BCO1: variants seen among roughly 807,000 people sequenced by gnomAD.
BCO1 encodes beta,beta-carotene 15,15'-dioxygenase.
A neutral mutation model predicts 56.3 loss-of-function variants in BCO1; 54 were observed. The ratio of observed to expected loss-of-function variants is 0.96; its 90% CI spans 0.77 to 1.20. BCO1 has a LOEUF of 1.20. Ranked by LOEUF, BCO1 falls within the 50% of genes most tolerant of loss-of-function variation. The pLI is 0.00. For synonymous variants in BCO1, 318 were observed against 266.1 expected, an observed-to-expected ratio of 1.20 and a Z score of -1.90; for missense variants, 801 against 690.9, an observed-to-expected ratio of 1.16 and a Z score of -1.79.
At chr16:81,271,872 C>T (rs1907238113) in intron 7 of BCO1, among the ~76,000 whole-genome samples, 2 of 151,926 alleles carry the variant, frequency 1.3e-5, no homozygotes, top group South Asian at 4.2e-4. Flanking sequence ...GCCTCAGCCT[C>T]CTGAGTAGCT....
At chr16:81,288,368 T>C (rs1172414060) in intron 10 of BCO1, among the ~76,000 whole-genome samples, 2 of 152,156 alleles carry the variant, frequency 1.3e-5, no homozygotes, top group African/African-American at 4.8e-5. Context: ...GCTCAAGTGA[T>C]CCTCCTGCCT....
At chr16:81,251,121 C>G (rs1478233207) in intron 2 of BCO1, among the ~76,000 whole-genome samples, 1 of 152,054 alleles carries the variant, frequency 6.6e-6, no homozygotes, top group Non-Finnish European at 1.5e-5. Flanking sequence ...TTTAAAGCAC[C>G]CAGGTGATTC....
chr16:81,253,090 C>G (rs186552333), intron 2 of BCO1, among the ~76,000 whole-genome samples: 1 of 152,038 alleles, frequency 6.6e-6, no homozygotes, highest in Non-Finnish European at 1.5e-5. Flanking sequence ...GCCTGGGTGA[C>G]GGAGCAAGAT....
At chr16:81,254,949 G>A (rs567763910) in intron 2 of BCO1, among the ~76,000 whole-genome samples, 1 of 152,110 alleles carries the variant, frequency 6.6e-6, no homozygotes, top group Non-Finnish European at 1.5e-5. Flanking sequence ...ATACCCATCT[G>A]ATTTTTGTAT....
At chr16:81,286,858 C>T (rs1041950797) in intron 9 of BCO1, among the ~76,000 whole-genome samples, 4 of 151,908 alleles carry the variant, frequency 2.6e-5, no homozygotes, top group African/African-American at 9.7e-5. Context: ...GGGCGGATCA[C>T]CTGAGGTCAG....
intron 10 of BCO1, among the ~76,000 whole-genome samples, chr16:81,290,130 C>T (rs540662149): frequency 1.3e-5 from 2 of 152,262 alleles, no homozygotes; most frequent in East Asian, 1.9e-4. Context: ...CCCAAAGTGG[C>T]GGGATTACAG....
In BCO1 at chr16:81,290,560, G is replaced by T; in HGVS notation, c.1627G>T (p.Gly543Trp). 1.6e-5 allele frequency: 26 copies of T among 1,613,542 alleles called. No homozygotes were observed. Among genetic ancestry groups the T allele is most frequent in the Non-Finnish European group, 2.2e-5 (26 of 1,179,996 alleles). ...GCGGGACAGGGCTTCCGACTGCCAC[G>T]GGGCTCCTCTGACCTGATGGTGTTG... ...EQRDRASDCH[G>W]APLT Residue 543 changes from glycine to tryptophan, a missense_variant, in exon 11 of 11, where the codon GGG (glycine) becomes TGG (tryptophan). Coordinates refer to ENST00000258168, the MANE Select transcript of BCO1 (RefSeq NM_017429.3).
chr16:81,267,760 G>T (rs1442865471), intron 5 of BCO1, 148 bp from the exon 6 acceptor site: 12 of 715,990 alleles, frequency 1.7e-5, no homozygotes, highest in Non-Finnish European at 2.5e-6. Flanking sequence ...TGCAGCAGCT[G>T]CAGCAACCTT....
At position 81,259,577 on chromosome 16, in the gene BCO1, C is replaced by A. The variant is rs1417145931; in HGVS notation, c.194-99C>A. The A allele has an allele frequency of 2.7e-6, 4 of 1,484,900 alleles. No individual in the cohort carries two copies. In the African/African-American group the frequency reaches 4.1e-5, roughly 15 times the overall value. The allele number at this position is 1,484,900 out of a possible 1,614,324, so 92.0% of individuals were successfully genotyped here. On this transcript the variant is annotated intron_variant, in intron 2 of 10. Transcript: ENST00000258168. Reference sequence around the variant, plus strand: ...AAAGGAGCTTGTCCTAGTGAAATAACCACCTTCTTCTCCCAGTAAAACCCA... The same window carrying A: ...AAAGGAGCTTGTCCTAGTGAAATAAACACCTTCTTCTCCCAGTAAAACCCA...
At chr16:81,260,660 C>A (rs1421891258) in intron 3 of BCO1, among the ~76,000 whole-genome samples, 1 of 152,172 alleles carries the variant, frequency 6.6e-6, no homozygotes, top group African/African-American at 2.4e-5. Flanking sequence ...AGGCACCCAC[C>A]ACCACGCCCG....
intron 2 of BCO1, 142 bp from the exon 3 acceptor site, chr16:81,259,534 G>T (rs1906351567): frequency 2.6e-6 from 2 of 759,938 alleles, no homozygotes; most frequent in Non-Finnish European, 4.3e-6. Context: ...AATGCGAATT[G>T]TATCGGCCCT....
In BCO1 at chr16:81,268,404, A is replaced by G. The variant is rs12446334; in HGVS notation, c.843+273A>G. ...AAACATGGAAGCCCTGGCAGTCCCC[A>G]TATGCCCAGCAGCAAAAGGAGTGAG... On this transcript the variant is annotated intron_variant, in intron 6 of 10. Transcript: ENST00000258168. Among the ~76,000 whole-genome samples the G allele has an allele frequency of 0.19, 29,049 of 152,170 alleles. 3,531 individuals are homozygous for G. The highest frequency in any genetic ancestry group is 0.27 in the Non-Finnish European group (18,650 of 67,962).
chr16:81,262,737 G>A, intron 4 of BCO1: 4 of 273,204 alleles, frequency 1.5e-5, no homozygotes, highest in South Asian at 8.2e-5. Context: ...TGAGGCAGGA[G>A]AATCGCTTGA....
intron 2 of BCO1, 111 bp from the exon 3 acceptor site, chr16:81,259,565 C>G: frequency 7.8e-7 from 1 of 1,285,522 alleles, no homozygotes; most frequent in Non-Finnish European, 1.1e-6. Context: ...GGAGCTTGTC[C>G]TAGTGAAATA....
At chr16:81,270,913 T>G (rs1187557716) in intron 7 of BCO1, among the ~76,000 whole-genome samples, 2 of 151,738 alleles carry the variant, frequency 1.3e-5, no homozygotes, top group Non-Finnish European at 2.9e-5. Flanking sequence ...CCCAGAGAAT[T>G]TTTTGTATTT....
At chr16:81,269,199 C>A (rs536933008) in intron 6 of BCO1, among the ~76,000 whole-genome samples, 2 of 151,706 alleles carry the variant, frequency 1.3e-5, no homozygotes, top group Non-Finnish European at 2.9e-5. Flanking sequence ...TCACTTCCCC[C>A]CTCCTGCCTC....
intron 5 of BCO1, among the ~76,000 whole-genome samples, chr16:81,265,997 C>T (rs1473575300): frequency 1.3e-5 from 2 of 152,160 alleles, no homozygotes; most frequent in Non-Finnish European, 2.9e-5. Flanking sequence ...CATCTGTCTA[C>T]TATCCACCGA....
chr16:81,266,585 C>T (rs1256897936), intron 5 of BCO1, among the ~76,000 whole-genome samples: 3 of 152,012 alleles, frequency 2.0e-5, no homozygotes, highest in Non-Finnish European at 4.4e-5. Flanking sequence ...ATTAATTAAG[C>T]CAGTAAAGGG....
intron 1 of BCO1, among the ~76,000 whole-genome samples, chr16:81,242,491 G>A (rs1905176082): frequency 6.6e-6 from 1 of 152,034 alleles, no homozygotes; most frequent in Admixed American, 6.6e-5. Context: ...CTGAGCCACC[G>A]CGCTGGCCTC....
Sources: gnomAD v4.1 joint callset for allele counts (sites outside exome capture counted in the v4.1 genomes callset) on GRCh38, gnomAD v4.1.1 for gene constraint, MANE v1.5 for transcripts, NCBI Gene and HGNC (gene_info 2026-07-23, HGNC 2026-07-21) for gene names.